MYO7B: variants seen among roughly 807,000 people sequenced by gnomAD.
MYO7B encodes the protein myosin VIIB.
A neutral mutation model predicts 259.7 loss-of-function variants in MYO7B; 212 were observed. The observed-to-expected ratio is 0.82, with a 90% CI of 0.73 to 0.91. The LOEUF is 0.91. Among genes scored for constraint, MYO7B ranks in the 40% least tolerant of loss-of-function variants. MYO7B has a pLI of 0.00. For synonymous variants in MYO7B, 1,197 were observed against 1,166.4 expected (o/e 1.03, Z -0.54); for missense variants, 2,732 against 2,813.5 (o/e 0.97, Z 0.66).
intron 1 of MYO7B, among the ~76,000 whole-genome samples, chr2:127,556,948 G>A (rs1677853373): frequency 6.6e-6 from 1 of 152,116 alleles, no homozygotes; most frequent in African/African-American, 2.4e-5. Flanking sequence ...GGCCAGGAAG[G>A]TTTTCCTTGA....
chr2:127,580,765 G>C lies in MYO7B; in HGVS notation c.1023G>C (p.Leu341=). 1 of 1,613,446 alleles carries C rather than the reference G, an allele frequency of 6.2e-7. No individual in the cohort carries two copies. Among genetic ancestry groups the C allele is most frequent in the South Asian group, 1.1e-5 (1 of 90,848 alleles). Reference sequence around the variant, plus strand: ...CTCTAGCTTCGGTCTTCGAGAACCTGGACGCCTCAGACGTGATGGAGACGC... The same window carrying C: ...CTCTAGCTTCGGTCTTCGAGAACCTCGACGCCTCAGACGTGATGGAGACGC... ...VGFMASVFEN[L]DASDVMETPA... The change falls in exon 10 of 48, where the codon CTG becomes CTC. Residue 341 remains leucine, a synonymous_variant. Coordinates refer to ENST00000409816, the MANE Select transcript of MYO7B (RefSeq NM_001393586.1).
Position 127,622,026 on chromosome 2 carries a change from C to T in MYO7B, c.3570C>T (p.Pro1190=), listed in dbSNP as rs1680861421. The T allele has an allele frequency of 1.9e-6, 3 of 1,551,792 alleles. No individual in the cohort carries two copies. In the East Asian group the frequency reaches 7.3e-5, roughly 38 times the overall value. Residue 1190 remains proline, a synonymous_variant, in exon 28 of 48, where the codon CCC becomes CCT. Coordinates refer to ENST00000409816, the MANE Select transcript of MYO7B (RefSeq NM_001393586.1). The stretch of plus-strand genomic sequence containing the variant: ...GCCAAGGGCCGGCGACCTACGGCCC[C>T]TTCTGTGCCGAGCGCCTGAGACGCA... ...FIGQGPATYG[P]FCAERLRRTY...
intron 26 of MYO7B, 45 bp downstream of exon 26, chr2:127,612,648 C>T: frequency 6.3e-7 from 1 of 1,596,268 alleles, no homozygotes; most frequent in Non-Finnish European, 8.5e-7. Context: ...GCATCAGATG[C>T]CCTCACTGGC....
At chr2:127,618,570 T>C (rs1680682733) in intron 26 of MYO7B, among the ~76,000 whole-genome samples, 2 of 152,212 alleles carry the variant, frequency 1.3e-5, no homozygotes, top group African/African-American at 2.4e-5. Flanking sequence ...AGTTTGTCAG[T>C]TTGCCAACAT....
chr2:127,543,638 T>A (rs1243933870), intron 1 of MYO7B, among the ~76,000 whole-genome samples: 1 of 152,050 alleles, frequency 6.6e-6, no homozygotes, highest in Non-Finnish European at 1.5e-5. Flanking sequence ...AAATTACAGT[T>A]AACAGTTCAA....
At chr2:127,587,387 C>T (rs1379621605) in intron 14 of MYO7B, among the ~76,000 whole-genome samples, 2 of 152,142 alleles carry the variant, frequency 1.3e-5, no homozygotes, top group Non-Finnish European at 2.9e-5. Context: ...GCTTAAACAA[C>T]AGAAATGATT....
intron 1 of MYO7B, among the ~76,000 whole-genome samples, chr2:127,551,946 C>T (rs1338167015): frequency 6.6e-6 from 1 of 152,176 alleles, no homozygotes; most frequent in East Asian, 1.9e-4. Context: ...ATGAGACCAC[C>T]CTGCCCCTGT....
At chr2:127,592,989 CT>C in intron 17 of MYO7B, 43 bp downstream of exon 17, 1 of 1,433,722 alleles carries the variant, frequency 7.0e-7, no homozygotes, top group Non-Finnish European at 9.1e-7. Flanking sequence ...CATCCGCGGC[CT>C]TCCCCTCGGC....
rs762671948 is a variant in MYO7B at position 127,626,896 on chromosome 2, CT to C, written c.4216-78del. 10 of 1,317,978 alleles carry C rather than the reference CT, an allele frequency of 7.6e-6. No homozygotes were observed. In the Admixed American group the frequency reaches 1.0e-4, roughly 14 times the overall value. 81.6% of individuals were successfully genotyped at this position (1,317,978 alleles called of 1,614,324 possible). A position where few individuals can be genotyped will look rare whatever the true frequency, so the allele number is the denominator to read the frequency against. ...GAGCCTTCTCAGAAGGATCCATCAACTCTTTTACCCTGAGCACTAGGTGAGG... is the reference window on the plus strand; with the variant it reads ...GAGCCTTCTCAGAAGGATCCATCAACCTTTTACCCTGAGCACTAGGTGAGG... On this transcript the variant is annotated intron_variant, in intron 31 of 47. Transcript: ENST00000409816.
chr2:127,633,589 C>T (rs563452260), intron 40 of MYO7B, among the ~76,000 whole-genome samples: 1 of 152,168 alleles, frequency 6.6e-6, no homozygotes, highest in Non-Finnish European at 1.5e-5. Flanking sequence ...GGATCCAGGC[C>T]CAGGACACAG....
intron 2 of MYO7B, among the ~76,000 whole-genome samples, chr2:127,560,030 C>CTTTTCTT (rs1191281337): frequency 1.4e-5 from 2 of 138,180 alleles, no homozygotes; most frequent in African/African-American, 5.5e-5. Context: ...CTTTTCTTTT[C>CTTTTCTT]TTTTTTTTTT....
intron 1 of MYO7B, among the ~76,000 whole-genome samples, chr2:127,543,332 T>G (rs2104796027): frequency 6.6e-6 from 1 of 152,300 alleles, no homozygotes; most frequent in African/African-American, 2.4e-5. Context: ...GCACTTTTTT[T>G]TTTTAACAAA....
At chr2:127,600,939 T>C (rs987429210) in intron 19 of MYO7B, among the ~76,000 whole-genome samples, 7 of 152,248 alleles carry the variant, frequency 4.6e-5, no homozygotes, top group Non-Finnish European at 8.8e-5. Flanking sequence ...TCTTTTCTAA[T>C]GTAGAGTGAT....
intron 15 of MYO7B, among the ~76,000 whole-genome samples, chr2:127,588,768 G>A (rs1679407533): frequency 7.0e-6 from 1 of 141,988 alleles, no homozygotes; most frequent in Non-Finnish European, 1.6e-5. Flanking sequence ...GGATGGGTGA[G>A]TGGATGGATG....
At position 127,576,318 on chromosome 2, in the gene MYO7B, C is replaced by A. The variant is rs1386139973; in HGVS notation, c.736-277C>A. Among the ~76,000 whole-genome samples the A allele has an allele frequency of 6.6e-6, 1 of 152,208 alleles. No homozygotes were observed. The highest frequency in any genetic ancestry group is 1.5e-5 in the Non-Finnish European group (1 of 68,042). ...AGAGCCCCGACTCTGTGCCATCACT[C>A]CTGGCCTGGAGACTTTGGGCACAGC... On this transcript the variant is annotated intron_variant, in intron 7 of 47. Transcript: ENST00000409816. This position sits in a 1 kb window ranked among gnomAD's most constrained non-coding sequence, Gnocchi z 4.9.
intron 19 of MYO7B, among the ~76,000 whole-genome samples, chr2:127,602,068 TTA>T (rs1321430825): frequency 3.3e-5 from 5 of 152,218 alleles, no homozygotes; most frequent in African/African-American, 1.2e-4. Flanking sequence ...CTTCGCATTT[TTA>T]TGTTTTCTTT....
At chr2:127,637,108 C>T (rs1223984590) in intron 47 of MYO7B, 195 bp downstream of exon 47, 2 of 1,076,002 alleles carry the variant, frequency 1.9e-6, no homozygotes, top group Non-Finnish European at 2.8e-6. Flanking sequence ...AGGCGGGACC[C>T]CCTGCGCCCT....
chr2:127,627,139 C>G lies in MYO7B; in HGVS notation c.4334-45C>G, dbSNP rs755844154. On this transcript the variant is annotated intron_variant, in intron 32 of 47. Coordinates refer to ENST00000409816, the MANE Select transcript of MYO7B (RefSeq NM_001393586.1). The surrounding 1 kb of genome is among the most constrained non-coding windows in gnomAD (Gnocchi z 5.6). ...CAGGGAGCAGGTATGGGCTGGGCAC[C>G]CAGGGGTCCCATGCAGCCTTCACAC... is the stretch of plus-strand genomic sequence containing the variant. 1.1e-5 allele frequency: 17 copies of G among 1,603,798 alleles called. No homozygotes were observed. In the East Asian group the frequency reaches 3.6e-4, roughly 34 times the overall value.
In MYO7B at chr2:127,606,034, G is replaced by A. The variant is rs190541095; in HGVS notation, c.2424+106G>A. The A allele has an allele frequency of 9.6e-4, 840 of 877,418 alleles. 7 individuals carry two copies. Among genetic ancestry groups the A allele is most frequent in the South Asian group, 7.7e-3 (505 of 65,498 alleles). 54.4% of individuals were successfully genotyped at this position (877,418 alleles called of 1,614,324 possible). A position where few individuals can be genotyped will look rare whatever the true frequency, so the allele number is the denominator to read the frequency against. On this transcript the variant is annotated intron_variant, in intron 20 of 47. Transcript: ENST00000409816. ...TCTCTGAATGAGAGACCTCAGGCAGGAAGGATCAAATCATTCACAGACGTG... is the reference window on the plus strand; with the variant it reads ...TCTCTGAATGAGAGACCTCAGGCAGAAAGGATCAAATCATTCACAGACGTG...
Sources: gnomAD v4.1 joint callset for allele counts (sites outside exome capture counted in the v4.1 genomes callset) on GRCh38, gnomAD v4.1.1 for gene constraint, Gnocchi (gnomAD v3.1) non-coding constraint, MANE v1.5 for transcripts, NCBI Gene and HGNC (gene_info 2026-07-23, HGNC 2026-07-21) for gene names.